CDK5RAP2: variants seen among roughly 807,000 people sequenced by gnomAD.
The protein encoded by CDK5RAP2 is CDK5 regulatory subunit associated protein 2.
A neutral mutation model predicts 232.9 loss-of-function variants in CDK5RAP2; 147 were observed. The observed-to-expected ratio is 0.63, with a 90% CI of 0.55 to 0.72. The LOEUF is 0.72. Ranked by LOEUF, CDK5RAP2 falls within the 30% of genes least tolerant of loss-of-function variation. The pLI, the probability that CDK5RAP2 is intolerant of heterozygous loss-of-function variation, is 0.00. For missense variants in CDK5RAP2, 2,195 were observed against 2,231.5 expected, an observed-to-expected ratio of 0.98 and a Z score of 0.33; for synonymous variants, 833 against 833.7, an observed-to-expected ratio of 1.00 and a Z score of 0.01.
At chr9:120,429,092 T>C (rs982820409) in intron 25 of CDK5RAP2, among the ~76,000 whole-genome samples, 10 of 152,252 alleles carry the variant, frequency 6.6e-5, no homozygotes, top group Middle Eastern at 3.2e-3. Context: ...AAATTAGGTA[T>C]TGATCGAACG....
intron 12 of CDK5RAP2, among the ~76,000 whole-genome samples, chr9:120,500,628 T>C (rs1258611072): frequency 1.3e-5 from 2 of 152,304 alleles, no homozygotes; most frequent in East Asian, 1.9e-4. Flanking sequence ...TGAATGAAAA[T>C]AGTTTCAAGG....
At position 120,427,951 on chromosome 9, in the gene CDK5RAP2, C is replaced by T. The variant is rs1278017448; in HGVS notation, c.3956-5210G>A. On this transcript the variant is annotated intron_variant, in intron 25 of 37. Transcript: ENST00000349780. ...CAAACTAGAACTCAGGATTAAGAAA[C>T]TCACTCAAAACCGCTCAACTACATG... is the stretch of plus-strand genomic sequence containing the variant. Among the ~76,000 whole-genome samples, 7 of 152,260 alleles carry T rather than the reference C, an allele frequency of 4.6e-5. No individual in the cohort carries two copies. The East Asian group carries it at 7.7e-4, about 17-fold the overall frequency.
At chr9:120,401,610 CAAAAAAAA>C (rs142588120) in intron 34 of CDK5RAP2, among the ~76,000 whole-genome samples, 3 of 61,542 alleles carry the variant, frequency 4.9e-5, no homozygotes, top group South Asian at 8.7e-4. Context: ...GACCCTGTCT[CAAAAAAAA>C]AAAAAAAAAA....
chr9:120,443,639 C>G lies in CDK5RAP2; in HGVS notation c.3129G>C (p.Gln1043His), dbSNP rs750386675. 1 of 1,614,140 alleles carries G rather than the reference C, an allele frequency of 6.2e-7. No individual in the cohort carries two copies. Among genetic ancestry groups the G allele is most frequent in the African/African-American group, 1.3e-5 (1 of 75,030 alleles). Residue 1043 changes from glutamine to histidine, a missense_variant, in exon 23 of 38, where the codon CAG becomes CAC. Coordinates refer to ENST00000349780, the MANE Select transcript of CDK5RAP2 (RefSeq NM_018249.6). Reference sequence around the variant, plus strand: ...TCTGACCAATCTCGTAGCTTCTTTGCTGATCACTGTCCATTTCCTTGTCTC... The same window carrying G: ...TCTGACCAATCTCGTAGCTTCTTTGGTGATCACTGTCCATTTCCTTGTCTC... ...VWRDKEMDSD[Q>H]QRSYEIDSEI... is the part of the protein sequence containing the mutation.
At chr9:120,433,934 G>A (rs1214965009) in intron 25 of CDK5RAP2, among the ~76,000 whole-genome samples, 3 of 152,100 alleles carry the variant, frequency 2.0e-5, no homozygotes, top group Admixed American at 6.6e-5. Context: ...TACATCAAAC[G>A]TTATCTATAT....
rs1356616216 is a variant in CDK5RAP2, at chr9:120,447,922, G to T, written c.2998C>A (p.Pro1000Thr). ...ILAEAVMEGR[P>T]TPDKTLLNAQ... ...TTCAGCAACGTTTTGTCGGGCGTTG[G>T]CCTCCCCTCCATCACTGCTTCAGCC... Residue 1000 changes from proline to threonine, a missense_variant, in exon 22 of 38, where the codon CCA (proline) becomes ACA (threonine). By Grantham distance (38) the Pro-to-Thr change is conservative (BLOSUM62 -1). Coordinates refer to ENST00000349780, the MANE Select transcript of CDK5RAP2 (RefSeq NM_018249.6). The T allele has an allele frequency of 1.2e-5, 19 of 1,614,092 alleles. No homozygotes were observed. Among genetic ancestry groups the T allele is most frequent in the Non-Finnish European group, 1.6e-5 (19 of 1,179,970 alleles).
intron 17 of CDK5RAP2, among the ~76,000 whole-genome samples, chr9:120,468,955 G>C (rs189362277): frequency 6.6e-6 from 1 of 152,264 alleles, no homozygotes; most frequent in Admixed American, 6.5e-5. Flanking sequence ...AAATTGGATC[G>C]AATCCTCAAG....
intron 7 of CDK5RAP2, among the ~76,000 whole-genome samples, chr9:120,533,093 C>T (rs144121214): frequency 5.3e-4 from 80 of 152,292 alleles, no homozygotes; most frequent in African/African-American, 1.8e-3. Context: ...CCCCATTCCA[C>T]GCCCAGGCAG....
chr9:120,430,082 C>A (rs2035185755), intron 25 of CDK5RAP2, among the ~76,000 whole-genome samples: 1 of 152,116 alleles, frequency 6.6e-6, no homozygotes, highest in Admixed American at 6.5e-5. Context: ...AACTGGATCC[C>A]TTCCTTACAC....
At chr9:120,408,998 C>A in intron 30 of CDK5RAP2, 129 bp downstream of exon 30, 1 of 835,748 alleles carries the variant, frequency 1.2e-6, no homozygotes, top group South Asian at 1.4e-5. Context: ...ACCAGACGTA[C>A]AATGTGTTTG....
intron 12 of CDK5RAP2, among the ~76,000 whole-genome samples, chr9:120,511,573 T>G (rs2040085647): frequency 1.3e-5 from 2 of 152,160 alleles, no homozygotes; most frequent in Non-Finnish European, 2.9e-5. Flanking sequence ...AATTCTTTCC[T>G]TGGGCCTCAG....
chr9:120,442,939 G>A (rs953028316), intron 23 of CDK5RAP2, among the ~76,000 whole-genome samples: 2 of 151,818 alleles, frequency 1.3e-5, no homozygotes, highest in African/African-American at 4.8e-5. Context: ...AATTAGATCT[G>A]GATTAATAGT....
At chr9:120,397,594 C>G (rs1341717783) in intron 35 of CDK5RAP2, among the ~76,000 whole-genome samples, 1 of 120,084 alleles carries the variant, frequency 8.3e-6, no homozygotes, top group Non-Finnish European at 1.8e-5. Context: ...AAGCCCAACA[C>G]AGTATCATTA....
At chr9:120,432,611 T>A (rs1422944651) in intron 25 of CDK5RAP2, among the ~76,000 whole-genome samples, 1 of 152,242 alleles carries the variant, frequency 6.6e-6, no homozygotes, top group African/African-American at 2.4e-5. Context: ...GTGAGGTTTC[T>A]GGGACTTTTA....
chr9:120,453,379 TG>T lies in CDK5RAP2; in HGVS notation c.2793+76del, dbSNP rs531892435. 7.4e-5 allele frequency: 98 copies of T among 1,324,794 alleles called. No individual in the cohort carries two copies. In the South Asian group the frequency reaches 1.2e-3, roughly 16 times the overall value. 82.1% of individuals were successfully genotyped at this position (1,324,794 alleles called of 1,614,324 possible). A position where few individuals can be genotyped will look rare whatever the true frequency, so the allele number is the denominator to read the frequency against. On this transcript the variant is annotated intron_variant, in intron 21 of 37. Coordinates refer to ENST00000349780, the MANE Select transcript of CDK5RAP2 (RefSeq NM_018249.6). Reference sequence around the variant, plus strand: ...TCTTGTCATATAAATGGGAAAAAAGTGGTGAGATTAAAGGTGATTTTTAAAG... The same window carrying T: ...TCTTGTCATATAAATGGGAAAAAAGTGTGAGATTAAAGGTGATTTTTAAAG...
At chr9:120,431,523 A>T (rs935388856) in intron 25 of CDK5RAP2, among the ~76,000 whole-genome samples, 2 of 152,344 alleles carry the variant, frequency 1.3e-5, no homozygotes, top group African/African-American at 4.8e-5. Flanking sequence ...AATAAAGATC[A>T]GTCTTTCTCA....
chr9:120,531,073 A>G (rs553714291), intron 7 of CDK5RAP2, among the ~76,000 whole-genome samples: 1 of 152,234 alleles, frequency 6.6e-6, no homozygotes, highest in Admixed American at 6.5e-5. Context: ...TCCAGGTCCT[A>G]GGTCTTAGGG....
intron 35 of CDK5RAP2, among the ~76,000 whole-genome samples, chr9:120,397,105 G>T (rs565185063): frequency 6.6e-6 from 1 of 152,368 alleles, no homozygotes; most frequent in Non-Finnish European, 1.5e-5. Flanking sequence ...CAGTGCTGAA[G>T]CCACTCCCTC....
At chr9:120,525,413 C>A (rs972436334) in intron 10 of CDK5RAP2, among the ~76,000 whole-genome samples, 3 of 152,170 alleles carry the variant, frequency 2.0e-5, no homozygotes, top group Non-Finnish European at 4.4e-5. Context: ...ATATAGATGA[C>A]CTACCCAACA....
Sources: gnomAD v4.1 joint callset for allele counts (sites outside exome capture counted in the v4.1 genomes callset) on GRCh38, gnomAD v4.1.1 for gene constraint, MANE v1.5 for transcripts, NCBI Gene and HGNC (gene_info 2026-07-23, HGNC 2026-07-21) for gene names.